NAV2: variants seen among roughly 807,000 people sequenced by gnomAD.
NAV2 encodes neuron navigator 2.
A neutral mutation model predicts 223.2 loss-of-function variants in NAV2; 54 were observed. The ratio of observed to expected loss-of-function variants is 0.24; its 90% confidence interval spans 0.19 to 0.30. The LOEUF (loss-of-function observed/expected upper bound fraction) is 0.30. Ranked by LOEUF, NAV2 falls within the 10% of genes least tolerant of loss-of-function variation. The pLI, the probability that NAV2 is intolerant of heterozygous loss-of-function variation, is 1.00. For synonymous variants in NAV2, 1,279 were observed against 1,239.3 expected (o/e 1.03, Z -0.67); for missense variants, 2,806 against 3,147.5 (o/e 0.89, Z 2.60).
chr11:19,845,150 T>C (rs1299713935), intron 3 of NAV2, among the ~76,000 whole-genome samples: 1 of 152,208 alleles, frequency 6.6e-6, no homozygotes, highest in East Asian at 1.9e-4. Flanking sequence ...TTCTGGCTAA[T>C]AGGACACCTG....
intron 6 of NAV2, among the ~76,000 whole-genome samples, chr11:19,932,215 T>C (rs2045415240): frequency 8.9e-6 from 1 of 111,958 alleles, no homozygotes; most frequent in Non-Finnish European, 1.7e-5. Context: ...GTGAACCCAT[T>C]GCATAGATTA....
intron 24 of NAV2, among the ~76,000 whole-genome samples, chr11:20,079,429 T>C (rs767220763): frequency 1.3e-5 from 2 of 152,200 alleles, no homozygotes; most frequent in Non-Finnish European, 2.9e-5. Context: ...ACTAGTGTTC[T>C]CAAAGACCAG....
chr11:19,361,779 GC>G (rs1853964876), intron 1 of NAV2, among the ~76,000 whole-genome samples: 1 of 152,160 alleles, frequency 6.6e-6, no homozygotes, highest in South Asian at 2.1e-4. Context: ...GAAGCCCTTT[GC>G]CTACGGTAAT....
intron 1 of NAV2, among the ~76,000 whole-genome samples, chr11:19,752,642 A>C (rs1265247466): frequency 6.6e-6 from 1 of 152,186 alleles, no homozygotes; most frequent in African/African-American, 2.4e-5. Flanking sequence ...ATTTTTATAC[A>C]CAGTCACTTT....
At position 19,868,932 on chromosome 11, in the gene NAV2, A is replaced by G; in HGVS notation, c.446A>G (p.Asn149Ser). The G allele has an allele frequency of 6.2e-7, 1 of 1,613,888 alleles. No homozygotes were observed. The highest frequency in any genetic ancestry group is 8.5e-7 in the Non-Finnish European group (1 of 1,179,888). The change falls in exon 4 of 38, where the codon AAC (asparagine) becomes AGC (serine). Residue 149 changes from asparagine (N) to serine (S), a missense_variant. Physicochemically the swap from Asn to Ser is conservative, Grantham distance 46. Transcript: ENST00000349880. ...CPKNRSQMIE[N>S]IDACLNFLAA... ...GTTGTTTTTCCCTCCTAGATTGAAAACATAGATGCCTGCTTGAATTTCCTG... is the reference window on the plus strand; with the variant it reads ...GTTGTTTTTCCCTCCTAGATTGAAAGCATAGATGCCTGCTTGAATTTCCTG...
At chr11:19,463,969 A>G (rs1392691309) in intron 1 of NAV2, among the ~76,000 whole-genome samples, 2 of 152,202 alleles carry the variant, frequency 1.3e-5, no homozygotes, top group East Asian at 3.9e-4. Flanking sequence ...AGAAGGTTGA[A>G]CTGATACAGA....
chr11:19,649,375 T>C (rs2047903121), intron 1 of NAV2, among the ~76,000 whole-genome samples: 1 of 152,234 alleles, frequency 6.6e-6, no homozygotes, highest in South Asian at 2.1e-4. Context: ...TAAAGAACAC[T>C]GTCCTGGTCC....
At chr11:19,557,561 A>G (rs946963333) in intron 1 of NAV2, among the ~76,000 whole-genome samples, 1 of 152,222 alleles carries the variant, frequency 6.6e-6, no homozygotes, top group South Asian at 2.1e-4. Flanking sequence ...GGTTGCCACA[A>G]GTCTGCTGAT....
intron 3 of NAV2, among the ~76,000 whole-genome samples, chr11:19,846,767 C>T (rs1056020564): frequency 6.6e-5 from 10 of 152,192 alleles, no homozygotes; most frequent in African/African-American, 2.2e-4. Flanking sequence ...CCCTCAGTGC[C>T]GCCCTCCTCT....
intron 1 of NAV2, among the ~76,000 whole-genome samples, chr11:19,628,446 A>G (rs976527902): frequency 1.3e-5 from 2 of 152,202 alleles, no homozygotes; most frequent in Admixed American, 6.5e-5. Flanking sequence ...CGTACAGAGT[A>G]TATGTTCTCA....
intron 1 of NAV2, among the ~76,000 whole-genome samples, chr11:19,549,366 C>G (rs1370479954): frequency 2.0e-5 from 3 of 152,212 alleles, no homozygotes; most frequent in African/African-American, 7.2e-5. Context: ...CTATTCCCAA[C>G]TGGTGGCTTA....
intron 35 of NAV2, among the ~76,000 whole-genome samples, chr11:20,106,143 A>ATGTGTGTG (rs377360217): frequency 8.6e-4 from 59 of 68,660 alleles, no homozygotes; most frequent in East Asian, 7.1e-3. Flanking sequence ...CCTTGTTCAT[A>ATGTGTGTG]TGTGTGTGTG....
intron 37 of NAV2, among the ~76,000 whole-genome samples, chr11:20,116,821 A>T (rs972283548): frequency 2.0e-5 from 3 of 152,308 alleles, no homozygotes; most frequent in African/African-American, 7.2e-5. Flanking sequence ...CTCTATTATC[A>T]TAGCTCTCTT....
At chr11:20,101,860 T>G (rs1011762029) in intron 32 of NAV2, among the ~76,000 whole-genome samples, 3 of 152,152 alleles carry the variant, frequency 2.0e-5, no homozygotes, top group Admixed American at 6.5e-5. Context: ...ATGCATGCAT[T>G]AGTGAGCATT....
intron 1 of NAV2, among the ~76,000 whole-genome samples, chr11:19,641,627 AAC>A (rs2047668635): frequency 2.0e-5 from 3 of 151,494 alleles, no homozygotes; most frequent in African/African-American, 7.3e-5. Flanking sequence ...GACCCCCACA[AAC>A]ACAGTGAGCG....
chr11:19,625,041 A>T (rs927095304), intron 1 of NAV2, among the ~76,000 whole-genome samples: 1 of 152,212 alleles, frequency 6.6e-6, no homozygotes, highest in Non-Finnish European at 1.5e-5. Flanking sequence ...TCATCATCTC[A>T]AACATTTATC....
At chr11:19,679,148 T>C (rs1431133004) in intron 1 of NAV2, among the ~76,000 whole-genome samples, 8 of 152,230 alleles carry the variant, frequency 5.3e-5, no homozygotes, top group Non-Finnish European at 8.8e-5. Context: ...ATTTTGAGGC[T>C]GGCTGGGTGC....
intron 1 of NAV2, among the ~76,000 whole-genome samples, chr11:19,813,270 G>A (rs547136018): frequency 6.6e-6 from 1 of 152,246 alleles, no homozygotes; most frequent in East Asian, 1.9e-4. Context: ...CCCACTGGAG[G>A]AGTTGGAAAG....
intron 1 of NAV2, among the ~76,000 whole-genome samples, chr11:19,799,101 T>C (rs1011399527): frequency 6.6e-6 from 1 of 152,162 alleles, no homozygotes; most frequent in Non-Finnish European, 1.5e-5. Context: ...TTGAAAGTCC[T>C]AACAGAAGAG....
Sources: gnomAD v4.1 joint callset for allele counts (sites outside exome capture counted in the v4.1 genomes callset) on GRCh38, gnomAD v4.1.1 for gene constraint, MANE v1.5 for transcripts, NCBI Gene and HGNC (gene_info 2026-07-23, HGNC 2026-07-21) for gene names.